TCF25: variants seen among roughly 807,000 people sequenced by gnomAD.
The protein encoded by TCF25 is ribosome quality control complex subunit TCF25.
In TCF25, 41 loss-of-function variants were observed where a neutral mutation model predicts 83.1. The observed-to-expected ratio is 0.49, with a 90% CI of 0.38 to 0.64. The LOEUF is 0.64. Among genes scored for constraint, TCF25 ranks in the 30% least tolerant of loss-of-function variants. The pLI is 0.00. For missense variants in TCF25, 979 were observed against 914.5 expected, an observed-to-expected ratio of 1.07 and a Z score of -0.91; for synonymous variants, 458 against 365.0, an observed-to-expected ratio of 1.25 and a Z score of -2.90.
At chr16:89,902,932 G>A (rs544147162) in intron 12 of TCF25, among the ~76,000 whole-genome samples, 7 of 152,326 alleles carry the variant, frequency 4.6e-5, no homozygotes, top group Non-Finnish European at 1.5e-5. Flanking sequence ...GGCCCACGGC[G>A]TGGGGTTGGG....
chr16:89,895,943 G>T, intron 8 of TCF25, 47 bp from the exon 9 acceptor site: 12 of 1,543,336 alleles, frequency 7.8e-6, no homozygotes, highest in Non-Finnish European at 1.1e-5. Flanking sequence ...GGCCGTGGTT[G>T]CTGTGTGTGG....
chr16:89,908,501 TTCCCACC>T (rs1428101534), intron 16 of TCF25, among the ~76,000 whole-genome samples: 2 of 54,758 alleles, frequency 3.7e-5, no homozygotes, highest in African/African-American at 7.3e-5. Flanking sequence ...TTCCTCGCAG[TTCCCACC>T]TCCCACCTTC....
chr16:89,888,475 G>C (rs2043180212), intron 5 of TCF25, among the ~76,000 whole-genome samples: 1 of 151,264 alleles, frequency 6.6e-6, no homozygotes, highest in Non-Finnish European at 1.5e-5. Context: ...TGTAATCCCA[G>C]CTACTCAGGA....
chr16:89,878,327 G>A lies in TCF25; in HGVS notation c.192+4468G>A, dbSNP rs565751397. On this transcript the variant is annotated intron_variant, in intron 1 of 17. Transcript: ENST00000263346. ...CAGGCTGGGTGCGGTGGCTCATGCC[G>A]GTAATCCCAGCACTGTGGGAGGCCA... 31 of 752,926 alleles carry A rather than the reference G, an allele frequency of 4.1e-5. No homozygotes were observed. The East Asian group carries it at 1.2e-3, about 30-fold the overall frequency. The allele number at this position is 752,926 out of a possible 1,614,324, so 46.6% of individuals were successfully genotyped here. A position where few individuals can be genotyped will look rare whatever the true frequency, so the allele number is the denominator to read the frequency against.
rs564657197 is a variant in TCF25, at chr16:89,904,471, T to C, written c.1469+266T>C. The C allele has an allele frequency of 7.3e-6, 4 of 545,606 alleles. No homozygotes were observed. The South Asian group carries it at 8.2e-5, about 11-fold the overall frequency. 33.8% of individuals were successfully genotyped at this position (545,606 alleles called of 1,614,324 possible). The stretch of plus-strand genomic sequence containing the variant: ...TGCCAGGCGTGGCGGCACATGCCTG[T>C]AATCTCAGCTTTTTGGGAGGCCGGC... On this transcript the variant is annotated intron_variant, in intron 13 of 17. Transcript: ENST00000263346.
chr16:89,873,635 C>G lies in TCF25; in HGVS notation c.-33C>G. 2 of 1,502,428 alleles carry G rather than the reference C, an allele frequency of 1.3e-6. No homozygotes were observed. The highest frequency in any genetic ancestry group is 1.5e-5 in the African/African-American group (1 of 68,438). The allele number at this position is 1,502,428 out of a possible 1,614,324, so 93.1% of individuals were successfully genotyped here. On this transcript the variant is annotated 5_prime_UTR_variant, in exon 1 of 18. Coordinates refer to ENST00000263346, the MANE Select transcript of TCF25 (RefSeq NM_014972.3). ...AGCCGAGTTTTCTGCGCTTCCTTCT[C>G]CCTCTCTCCAGACGTCGTGGTCGTT...
chr16:89,894,354 T>TGCAACCCCGGACGGCCCCCGC (rs1567716961), intron 7 of TCF25, among the ~76,000 whole-genome samples: 1 of 133,324 alleles, frequency 7.5e-6, no homozygotes, highest in African/African-American at 3.6e-5. Flanking sequence ...CAGCTCCCCT[T>TGCAACCCCGGACGGCCCCCGC]GCAGCCCCGG....
At chr16:89,906,523 C>A (rs58750570) in intron 15 of TCF25, among the ~76,000 whole-genome samples, 3 of 152,078 alleles carry the variant, frequency 2.0e-5, no homozygotes, top group South Asian at 2.1e-4. Flanking sequence ...TGAGTCGTCA[C>A]CGTGGTGAGC....
At chr16:89,906,088 A>C (rs1245268466) in intron 14 of TCF25, 106 bp from the exon 15 acceptor site, 14 of 948,026 alleles carry the variant, frequency 1.5e-5, no homozygotes, top group Non-Finnish European at 2.2e-5. Flanking sequence ...CCAGAGATGC[A>C]GCGAGATGCC....
intron 9 of TCF25, among the ~76,000 whole-genome samples, chr16:89,896,737 G>A (rs1488703425): frequency 6.6e-6 from 1 of 151,942 alleles, no homozygotes; most frequent in Non-Finnish European, 1.5e-5. Context: ...GTATTTTCTA[G>A]TAGAGACGAG....
At chr16:89,898,977 C>A in intron 11 of TCF25, 105 bp downstream of exon 11, 2 of 1,104,256 alleles carry the variant, frequency 1.8e-6, no homozygotes, top group African/African-American at 1.5e-5. Flanking sequence ...GGGGATGAAA[C>A]GATAATCGTC....
At chr16:89,892,059 G>A (rs1016275547) in intron 5 of TCF25, 134 bp from the exon 6 acceptor site, 21 of 757,252 alleles carry the variant, frequency 2.8e-5, no homozygotes, top group Middle Eastern at 2.4e-4. Flanking sequence ...TCCTTAATGC[G>A]TCCCCACCCT....
chr16:89,881,413 A>G (rs1272217201), intron 1 of TCF25, among the ~76,000 whole-genome samples: 1 of 152,162 alleles, frequency 6.6e-6, no homozygotes, highest in Non-Finnish European at 1.5e-5. Flanking sequence ...CTCCTAGTTC[A>G]TAAAGAATTG....
In TCF25 at chr16:89,906,252, G is replaced by C. The variant is rs1367671485; in HGVS notation, c.1687G>C (p.Glu563Gln). The change falls in exon 15 of 18, where the codon GAG (glutamate) becomes CAG (glutamine). Residue 563 changes from glutamate (E) to glutamine (Q), a missense_variant. Glu to Gln is a conservative substitution (Grantham distance 29, BLOSUM62 2). Coordinates refer to ENST00000263346, the MANE Select transcript of TCF25 (RefSeq NM_014972.3). Reference sequence around the variant, plus strand: ...TATCCACCGCCATGTGATCCTCTCTGAGATCAAGGAAGCCGTCGCTGCCCT... The same window carrying C: ...TATCCACCGCCATGTGATCCTCTCTCAGATCAAGGAAGCCGTCGCTGCCCT... Reference protein sequence around the residue: ...RNIHRHVILSEIKEAVAALPP... With the variant: ...RNIHRHVILSQIKEAVAALPP... 5.6e-6 allele frequency: 9 copies of C among 1,613,358 alleles called. No homozygotes were observed. Among genetic ancestry groups the C allele is most frequent in the Middle Eastern group, 1.7e-4 (1 of 6,060 alleles).
At chr16:89,885,631 C>T (rs1367348579) in intron 3 of TCF25, among the ~76,000 whole-genome samples, 2 of 152,120 alleles carry the variant, frequency 1.3e-5, no homozygotes, top group Admixed American at 6.6e-5. Context: ...TTCTAGGGTC[C>T]TTCTGGTTCT....
At chr16:89,897,216 T>A (rs2043932248) in intron 9 of TCF25, among the ~76,000 whole-genome samples, 1 of 152,152 alleles carries the variant, frequency 6.6e-6, no homozygotes, top group Non-Finnish European at 1.5e-5. Flanking sequence ...TGACCCTCGC[T>A]CCCCTGTGCT....
intron 2 of TCF25, among the ~76,000 whole-genome samples, 189 bp from the exon 3 acceptor site, chr16:89,884,393 A>C (rs2144011334): frequency 6.6e-6 from 1 of 152,272 alleles, no homozygotes; most frequent in Middle Eastern, 3.4e-3. Flanking sequence ...GCTGTAGCAC[A>C]GCCCGAGGGG....
chr16:89,883,302 G>A (rs1398915340), intron 1 of TCF25, 49 bp from the exon 2 acceptor site: 14 of 1,598,642 alleles, frequency 8.8e-6, no homozygotes, highest in South Asian at 6.7e-5. Context: ...CAGCATGAGC[G>A]TTCACACTGT....
At chr16:89,906,101 G>A (rs909990568) in intron 14 of TCF25, 93 bp from the exon 15 acceptor site, 105 of 1,096,350 alleles carry the variant, frequency 9.6e-5, no homozygotes, top group African/African-American at 1.7e-4. Flanking sequence ...GAGATGCCTC[G>A]TGCTGGGTGG....
Sources: allele counts gnomAD v4.1 joint callset (sites outside exome capture counted in the v4.1 genomes callset), GRCh38; gene constraint gnomAD v4.1.1; transcripts MANE v1.5; gene names NCBI Gene and HGNC (gene_info 2026-07-23, HGNC 2026-07-21).